The following PXDNL variants were observed in gnomAD, a reference collection of about 807,000 sequenced individuals.
PXDNL encodes peroxidasin like.
Under a neutral mutation model 150.8 loss-of-function variants are expected in PXDNL, and 145 were observed. That is an observed-to-expected ratio of 0.96 (90% CI 0.84 to 1.10). The LOEUF is 1.10. PXDNL is among the 50% of genes least tolerant of loss of function. The pLI is 0.00. For synonymous variants in PXDNL, 757 were observed against 725.7 expected (o/e 1.04, Z -0.69); for missense variants, 2,087 against 1,873.9 (o/e 1.11, Z -2.10).
chr8:51,652,645 G>A (rs1231353031), intron 2 of PXDNL, among the ~76,000 whole-genome samples: 1 of 151,974 alleles, frequency 6.6e-6, no homozygotes, highest in African/African-American at 2.4e-5. Context: ...CTCAATTTGG[G>A]TAAATTACAT....
At chr8:51,421,973 C>A (rs746198113) in intron 14 of PXDNL, among the ~76,000 whole-genome samples, 1 of 152,114 alleles carries the variant, frequency 6.6e-6, no homozygotes, top group Non-Finnish European at 1.5e-5. Context: ...CAGCAGGAGG[C>A]GAGCAGCAGG....
intron 1 of PXDNL, among the ~76,000 whole-genome samples, chr8:51,763,285 C>T (rs1012376946): frequency 3.3e-5 from 5 of 150,294 alleles, no homozygotes; most frequent in African/African-American, 1.2e-4. Flanking sequence ...AAGAAACCTG[C>T]ACATTGTGCA....
intron 21 of PXDNL, among the ~76,000 whole-genome samples, chr8:51,327,794 C>G (rs1419911418): frequency 3.3e-5 from 5 of 152,172 alleles, no homozygotes; most frequent in Admixed American, 2.6e-4. Flanking sequence ...ATCCTCACGA[C>G]AAGAAAAATT....
At chr8:51,448,294 C>G (rs928425668) in intron 11 of PXDNL, among the ~76,000 whole-genome samples, 2 of 152,210 alleles carry the variant, frequency 1.3e-5, no homozygotes, top group African/African-American at 4.8e-5. Context: ...CGCCCCACCA[C>G]CCACACTTCA....
intron 18 of PXDNL, among the ~76,000 whole-genome samples, chr8:51,372,658 T>A (rs1807160976): frequency 6.6e-6 from 1 of 152,226 alleles, no homozygotes; most frequent in Non-Finnish European, 1.5e-5. Flanking sequence ...CTGTTGGGAT[T>A]ACAGGCGTGA....
intron 3 of PXDNL, among the ~76,000 whole-genome samples, chr8:51,572,997 A>T (rs1457596512): frequency 1.3e-5 from 2 of 152,012 alleles, no homozygotes; most frequent in East Asian, 3.9e-4. Flanking sequence ...CTTTTTGCTT[A>T]TTTATTTCAA....
chr8:51,321,430 A>G (rs1805311886), intron 21 of PXDNL, among the ~76,000 whole-genome samples: 2 of 152,190 alleles, frequency 1.3e-5, no homozygotes, highest in Non-Finnish European at 2.9e-5. Context: ...CAAGGGGAGC[A>G]GAAGGGCAGT....
chr8:51,533,378 T>C (rs768184039), intron 4 of PXDNL, among the ~76,000 whole-genome samples: 81 of 152,154 alleles, frequency 5.3e-4, no homozygotes, highest in Non-Finnish European at 1.0e-3. Context: ...CTTGAACTCC[T>C]GACCTCAGGT....
chr8:51,702,690 T>C (rs1373849717), intron 1 of PXDNL, among the ~76,000 whole-genome samples: 1 of 152,192 alleles, frequency 6.6e-6, no homozygotes, highest in African/African-American at 2.4e-5. Context: ...ATTCCACTGA[T>C]AGGAAGATTA....
intron 5 of PXDNL, among the ~76,000 whole-genome samples, chr8:51,495,520 G>T (rs1196702298): frequency 6.6e-6 from 1 of 152,070 alleles, no homozygotes; most frequent in Non-Finnish European, 1.5e-5. Flanking sequence ...CAACAAAATT[G>T]ATAGACCGCT....
intron 12 of PXDNL, chr8:51,436,012 G>A (rs1809398381): frequency 1.9e-6 from 1 of 528,612 alleles, no homozygotes; most frequent in Non-Finnish European, 3.9e-6. Flanking sequence ...TTCACCTCAT[G>A]GACCATCTGC....
intron 5 of PXDNL, among the ~76,000 whole-genome samples, chr8:51,494,706 G>A (rs954513429): frequency 3.5e-4 from 53 of 152,020 alleles, no homozygotes; most frequent in African/African-American, 1.2e-3. Flanking sequence ...ATGGTGAAGG[G>A]ATCAATTCAA....
chr8:51,484,755 G>A (rs1810691153), intron 5 of PXDNL, among the ~76,000 whole-genome samples: 1 of 152,148 alleles, frequency 6.6e-6, no homozygotes, highest in Non-Finnish European at 1.5e-5. Flanking sequence ...CTCCACCCTA[G>A]TAGTCTTGCA....
At chr8:51,431,767 T>A (rs1161215143) in intron 12 of PXDNL, among the ~76,000 whole-genome samples, 24 of 152,190 alleles carry the variant, frequency 1.6e-4, no homozygotes, top group Admixed American at 1.5e-3. Flanking sequence ...ACATCTTAGG[T>A]CCACGCTCAG....
intron 5 of PXDNL, among the ~76,000 whole-genome samples, chr8:51,484,516 T>G (rs1281578761): frequency 1.3e-5 from 2 of 151,296 alleles, no homozygotes; most frequent in Non-Finnish European, 1.5e-5. Flanking sequence ...ATCCTGCAAA[T>G]GTGGGATCAC....
At chr8:51,660,862 C>T (rs945627454) in intron 1 of PXDNL, among the ~76,000 whole-genome samples, 1 of 152,178 alleles carries the variant, frequency 6.6e-6, no homozygotes, top group Non-Finnish European at 1.5e-5. Context: ...GCAGACTCTA[C>T]TCCCTGTAGC....
intron 1 of PXDNL, among the ~76,000 whole-genome samples, chr8:51,766,776 T>C (rs1314661144): frequency 6.6e-6 from 1 of 152,200 alleles, no homozygotes; most frequent in Non-Finnish European, 1.5e-5. Flanking sequence ...AGATTGATTA[T>C]GGTCTTTCTA....
At chr8:51,731,155 T>C (rs981365202) in intron 1 of PXDNL, among the ~76,000 whole-genome samples, 4 of 152,082 alleles carry the variant, frequency 2.6e-5, no homozygotes, top group African/African-American at 9.7e-5. Flanking sequence ...ACAAGACAAG[T>C]CCCTTCCACC....
At position 51,768,514 on chromosome 8, in the gene PXDNL, G is replaced by GA. The variant is rs397957965; in HGVS notation, c.164+40666dup. Among the ~76,000 whole-genome samples, 329 of 152,112 alleles carry GA rather than the reference G, an allele frequency of 2.2e-3. 2 individuals are homozygous for GA. The highest frequency in any genetic ancestry group is 7.5e-3 in the African/African-American group (311 of 41,516). On this transcript the variant is annotated intron_variant, in intron 1 of 22. Coordinates refer to ENST00000356297, the MANE Select transcript of PXDNL (RefSeq NM_144651.5). ...GTTTATATATGAGTGAAACTTCTGG[G>GA]AAAAAATAACTCATGAGAAAACTCA... is the stretch of plus-strand genomic sequence containing the variant.
Sources: gnomAD v4.1 joint callset for allele counts (sites outside exome capture counted in the v4.1 genomes callset) on GRCh38, gnomAD v4.1.1 for gene constraint, MANE v1.5 for transcripts, NCBI Gene and HGNC (gene_info 2026-07-23, HGNC 2026-07-21) for gene names.